Variants in BCAS3 observed in about 807,000 individuals in gnomAD.
BCAS3 encodes BCAS4/BCAS3 fusion.
Under a neutral mutation model 116.1 loss-of-function variants are expected in BCAS3, and 53 were observed. The observed-to-expected ratio is 0.46, with a 90% CI of 0.37 to 0.57. The LOEUF is 0.57. Ranked by LOEUF, BCAS3 falls within the 20% of genes least tolerant of loss-of-function variation. The probability of loss-of-function intolerance (pLI) is 0.00; values close to 1 mark genes in which losing one functional copy is unlikely to be tolerated. For synonymous variants in BCAS3, 391 were observed against 408.2 expected (o/e 0.96, Z 0.51); for missense variants, 917 against 1,165.4 (o/e 0.79, Z 3.10).
Position 61,051,596 on chromosome 17 carries a change from A to C in BCAS3, c.2029+10704A>C, listed in dbSNP as rs138228580. ...TGAATCTTTAATCATTTCAAAATAA[A>C]AACTTGTTTTCTTTTAATGGTGATA... On this transcript the variant is annotated intron_variant, in intron 19 of 23. Transcript: ENST00000407086. The surrounding 1 kb of genome is among the most constrained non-coding windows in gnomAD (Gnocchi z 4.1). Among the ~76,000 whole-genome samples the C allele has an allele frequency of 9.2e-4, 140 of 152,300 alleles. 1 individual carries two copies. Among genetic ancestry groups the C allele is most frequent in the African/African-American group, 3.2e-3 (131 of 41,558 alleles).
At chr17:60,982,756 G>T (rs1022616092) in intron 14 of BCAS3, among the ~76,000 whole-genome samples, 3 of 152,042 alleles carry the variant, frequency 2.0e-5, no homozygotes, top group Non-Finnish European at 4.4e-5. Flanking sequence ...TCAAAATTTG[G>T]TTTTTCTCTT....
intron 22 of BCAS3, among the ~76,000 whole-genome samples, chr17:61,172,844 C>T (rs796710727): frequency 4.0e-4 from 60 of 151,034 alleles, no homozygotes; most frequent in African/African-American, 1.3e-3. Flanking sequence ...GAAAATTAGC[C>T]GGGCGTGGCG....
In BCAS3 at chr17:61,339,185, G is replaced by C. The variant is rs74818570; in HGVS notation, c.2426-29142G>C. Among the ~76,000 whole-genome samples the C allele has an allele frequency of 6.6e-6, 1 of 152,118 alleles. No homozygotes were observed. The highest frequency in any genetic ancestry group is 2.4e-5 in the African/African-American group (1 of 41,410). Reference sequence around the variant, plus strand: ...ATTGGCAGTCATCTTCCCAGCTCTCGGCTTCAACCCTGATTCTGACAGTGG... The same window carrying C: ...ATTGGCAGTCATCTTCCCAGCTCTCCGCTTCAACCCTGATTCTGACAGTGG... On this transcript the variant is annotated intron_variant, in intron 22 of 23. Transcript: ENST00000407086. This position sits in a 1 kb window ranked among gnomAD's most constrained non-coding sequence, Gnocchi z 4.4.
Position 61,229,036 on chromosome 17 carries a change from C to T in BCAS3, c.2426-139291C>T, listed in dbSNP as rs1416097730. 2.6e-5 allele frequency among the ~76,000 whole-genome samples: 4 copies of T among 152,316 alleles called. No individual in the cohort carries two copies. Among genetic ancestry groups the T allele is most frequent in the Admixed American group, 2.0e-4 (3 of 15,302 alleles). ...CACAGAAGAAAGTAAAACAGCCTTGCTTCTGAGATGGAGAAAGTTTTAGTT... is the reference window on the plus strand; with the variant it reads ...CACAGAAGAAAGTAAAACAGCCTTGTTTCTGAGATGGAGAAAGTTTTAGTT... On this transcript the variant is annotated intron_variant, in intron 22 of 23. Transcript: ENST00000407086. This position sits in a 1 kb window ranked among gnomAD's most constrained non-coding sequence, Gnocchi z 4.4.
At chr17:60,784,948 T>C (rs896200130) in intron 6 of BCAS3, among the ~76,000 whole-genome samples, 15 of 151,664 alleles carry the variant, frequency 9.9e-5, no homozygotes, top group African/African-American at 3.6e-4. Flanking sequence ...ATACAAAAAG[T>C]TAGCTGGGCG....
chr17:61,290,938 G>A lies in BCAS3; in HGVS notation c.2426-77389G>A, dbSNP rs564759637. Among the ~76,000 whole-genome samples the A allele has an allele frequency of 2.6e-4, 40 of 152,142 alleles. 1 individual carries two copies. Among genetic ancestry groups the A allele is most frequent in the Non-Finnish European group, 4.7e-4 (32 of 68,004 alleles). ...TGGGACTACAGGTGCCTGCCACCAC[G>A]CCCGGCTAATTTTTTGTATTTTTAG... On this transcript the variant is annotated intron_variant, in intron 22 of 23. Coordinates refer to ENST00000407086, the MANE Select transcript of BCAS3 (RefSeq NM_017679.5).
chr17:61,042,105 A>G (rs1245703872), intron 19 of BCAS3, among the ~76,000 whole-genome samples: 1 of 152,102 alleles, frequency 6.6e-6, no homozygotes, highest in Non-Finnish European at 1.5e-5. Flanking sequence ...GAAGCAGTGC[A>G]TATAGAAGTT....
At chr17:60,680,419 C>T (rs1403219717) in intron 2 of BCAS3, among the ~76,000 whole-genome samples, 1 of 152,088 alleles carries the variant, frequency 6.6e-6, no homozygotes, top group East Asian at 1.9e-4. Flanking sequence ...TCCTGACCCT[C>T]TCCCCGCTCC....
Position 61,098,501 on chromosome 17 carries a change from G to T in BCAS3, c.2425+13937G>T, listed in dbSNP as rs2074115440. ...TTGTGATTTTTCTAATACCAGAGTA[G>T]AATTCTGGGGAGGAATTTTTCTAAA... On this transcript the variant is annotated intron_variant, in intron 22 of 23. Transcript: ENST00000407086. This position sits in a 1 kb window ranked among gnomAD's most constrained non-coding sequence, Gnocchi z 4.2. 6.6e-6 allele frequency among the ~76,000 whole-genome samples: 1 copy of T among 152,130 alleles called. No individual in the cohort carries two copies. Among genetic ancestry groups the T allele is most frequent in the East Asian group, 1.9e-4 (1 of 5,182 alleles).
chr17:61,133,315 G>C (rs774615313), intron 22 of BCAS3, among the ~76,000 whole-genome samples: 78 of 152,176 alleles, frequency 5.1e-4, no homozygotes, highest in Non-Finnish European at 1.0e-3. Flanking sequence ...TTCTATTGAG[G>C]TTGGGTCCAT....
intron 19 of BCAS3, among the ~76,000 whole-genome samples, chr17:61,044,446 C>CAAAA (rs1223902392): frequency 1.1e-4 from 9 of 82,794 alleles, no homozygotes; most frequent in African/African-American, 4.5e-4. Flanking sequence ...GACTCTGTCT[C>CAAAA]AAAAAAAAAA....
At chr17:60,745,551 T>C (rs1307034809) in intron 5 of BCAS3, among the ~76,000 whole-genome samples, 2 of 152,084 alleles carry the variant, frequency 1.3e-5, no homozygotes, top group Admixed American at 6.5e-5. Flanking sequence ...CAAATAACCT[T>C]TGAAGACTTT....
At chr17:60,969,215 GCCA>G (rs1284351839) in intron 14 of BCAS3, among the ~76,000 whole-genome samples, 3 of 152,148 alleles carry the variant, frequency 2.0e-5, no homozygotes, top group Non-Finnish European at 4.4e-5. Flanking sequence ...GGGTAGTGAA[GCCA>G]GCTAGCTTCT....
chr17:60,880,055 T>C (rs1286157968), intron 9 of BCAS3, among the ~76,000 whole-genome samples: 1 of 152,182 alleles, frequency 6.6e-6, no homozygotes, highest in Non-Finnish European at 1.5e-5. Context: ...TCAGTGAATA[T>C]ATATGCAGTG....
rs2057522061 is a variant in BCAS3 at position 61,346,680 on chromosome 17, T to C, written c.2426-21647T>C. Reference sequence around the variant, plus strand: ...CTTGAAGCCTGAGCCTTTAACCATTTCCTATACTGCCTCTGTTAGGCTCTG... The same window carrying C: ...CTTGAAGCCTGAGCCTTTAACCATTCCCTATACTGCCTCTGTTAGGCTCTG... On this transcript the variant is annotated intron_variant, in intron 22 of 23. Coordinates refer to ENST00000407086, the MANE Select transcript of BCAS3 (RefSeq NM_017679.5). This position sits in a 1 kb window ranked among gnomAD's most constrained non-coding sequence, Gnocchi z 5.4. Among the ~76,000 whole-genome samples, 3 of 152,248 alleles carry C rather than the reference T, an allele frequency of 2.0e-5. No individual in the cohort carries two copies. Among genetic ancestry groups the C allele is most frequent in the Non-Finnish European group, 4.4e-5 (3 of 68,046 alleles).
intron 6 of BCAS3, among the ~76,000 whole-genome samples, chr17:60,788,428 G>T (rs2046472160): frequency 6.6e-6 from 1 of 152,138 alleles, no homozygotes; most frequent in South Asian, 2.1e-4. Flanking sequence ...AAGTGAAATA[G>T]AAGGTACCAT....
At chr17:60,678,065 G>A (rs1196651449) in intron 1 of BCAS3, among the ~76,000 whole-genome samples, 151 bp downstream of exon 1, 1 of 152,232 alleles carries the variant, frequency 6.6e-6, no homozygotes, top group African/African-American at 2.4e-5. Context: ...GGGCCGGAGG[G>A]CGGCCGGGGG....
At chr17:60,736,554 A>G (rs1037991065) in intron 5 of BCAS3, among the ~76,000 whole-genome samples, 2 of 152,038 alleles carry the variant, frequency 1.3e-5, no homozygotes, top group Non-Finnish European at 2.9e-5. Flanking sequence ...GAAGCATTCT[A>G]TATGCTTCTG....
chr17:61,255,598 T>C (rs2048718367), intron 22 of BCAS3, among the ~76,000 whole-genome samples: 1 of 152,194 alleles, frequency 6.6e-6, no homozygotes. Context: ...GAAATCAGAG[T>C]AGACTTGGCT....
Sources: allele counts gnomAD v4.1 joint callset (sites outside exome capture counted in the v4.1 genomes callset), GRCh38; gene constraint gnomAD v4.1.1; non-coding constraint Gnocchi (gnomAD v3.1); transcripts MANE v1.5; gene names NCBI Gene and HGNC (gene_info 2026-07-23, HGNC 2026-07-21).